The following ZNF714 variants were observed in gnomAD, a reference collection of about 807,000 sequenced individuals.
ZNF714 encodes the protein zinc finger protein 714.
Under a neutral mutation model 46.2 loss-of-function variants are expected in ZNF714, and 32 were observed. That is an observed-to-expected ratio of 0.69 (90% CI 0.52 to 0.93). The LOEUF is 0.93. ZNF714 is among the 40% of genes least tolerant of loss of function. ZNF714 has a pLI of 0.00. For missense variants in ZNF714, 635 were observed against 646.3 expected (o/e 0.98, Z 0.19); for synonymous variants, 199 against 213.1 (o/e 0.93, Z 0.58).
chr19:21,105,973 A>T (rs12974016), intron 4 of ZNF714, among the ~76,000 whole-genome samples: 1 of 151,798 alleles, frequency 6.6e-6, no homozygotes. Context: ...TAAATAGGCC[A>T]GGCGCGGTGG....
Position 21,123,538 on chromosome 19 carries a change from G to A in ZNF714, c.*5206G>A, listed in dbSNP as rs1969744067. Among the ~76,000 whole-genome samples the A allele has an allele frequency of 6.6e-6, 1 of 152,076 alleles. No individual in the cohort carries two copies. Among genetic ancestry groups the A allele is most frequent in the East Asian group, 1.9e-4 (1 of 5,154 alleles). ...CCCGTCTAATTTTTTTGTATTTTTA[G>A]TAGAGACGGGATTTCACCATGTTAG... On this transcript the variant is annotated 3_prime_UTR_variant, in exon 5 of 5. Transcript: ENST00000456283.
rs545899953 is a variant in ZNF714 at position 21,093,966 on chromosome 19, T to C, written c.-84-4219T>C. Among the ~76,000 whole-genome samples, 13 of 152,232 alleles carry C rather than the reference T, an allele frequency of 8.5e-5. 1 individual carries two copies. The South Asian group carries it at 2.5e-3, about 29-fold the overall frequency. ...ATTATTTTAATCTAGTCTACATTAA[T>C]AGGCAATTAGATTTGTTCCATGTTT... is the stretch of plus-strand genomic sequence containing the variant. On this transcript the variant is annotated intron_variant, in intron 2 of 4. Coordinates refer to ENST00000456283, the MANE Select transcript of ZNF714 (RefSeq NM_182515.4).
chr19:21,109,742 A>C (rs1480286426), intron 4 of ZNF714: 1 of 151,842 alleles, frequency 6.6e-6, no homozygotes, highest in Non-Finnish European at 1.5e-5. Flanking sequence ...ATTTATCCTG[A>C]TTCTCTCCCT....
chr19:21,112,803 T>C (rs1268942381), intron 4 of ZNF714, among the ~76,000 whole-genome samples: 1 of 142,542 alleles, frequency 7.0e-6, no homozygotes, highest in East Asian at 2.1e-4. Context: ...TTCAAATAGT[T>C]TTTTTATTTC....
At chr19:21,091,394 T>C (rs991065312) in intron 2 of ZNF714, 2 of 152,212 alleles carry the variant, frequency 1.3e-5, no homozygotes, top group African/African-American at 2.4e-5. Context: ...GCTGACCTTC[T>C]ATCTCACCTT....
At chr19:21,116,764 G>A (rs1309353151) in intron 4 of ZNF714, 43 bp from the exon 5 acceptor site, 36 of 1,535,208 alleles carry the variant, frequency 2.3e-5, no homozygotes, top group Non-Finnish European at 3.1e-5. Context: ...ATGTTTATCA[G>A]AGTCTAGTAA....
chr19:21,093,491 C>T (rs955805225), intron 2 of ZNF714, among the ~76,000 whole-genome samples: 12 of 151,832 alleles, frequency 7.9e-5, no homozygotes, highest in South Asian at 2.1e-4. Flanking sequence ...CTCAGCCTCC[C>T]AAAATGCTGG....
At chr19:21,088,639 T>C (rs1968839477) in intron 2 of ZNF714, among the ~76,000 whole-genome samples, 1 of 152,262 alleles carries the variant, frequency 6.6e-6, no homozygotes, top group Non-Finnish European at 1.5e-5. Context: ...ATTGCACTTT[T>C]TACTTTTCTG....
chr19:21,106,414 C>T (rs1423843329), intron 4 of ZNF714, among the ~76,000 whole-genome samples: 1 of 151,620 alleles, frequency 6.6e-6, no homozygotes, highest in African/African-American at 2.4e-5. Context: ...ACTAAAAATA[C>T]AAAAATTAGC....
At chr19:21,098,598 T>C (rs1969097210) in intron 3 of ZNF714, among the ~76,000 whole-genome samples, 1 of 152,294 alleles carries the variant, frequency 6.6e-6, no homozygotes, top group African/African-American at 2.4e-5. Flanking sequence ...AAATCTATTT[T>C]CCACTGTCAA....
intron 4 of ZNF714, among the ~76,000 whole-genome samples, chr19:21,113,602 G>A (rs1345760921): frequency 1.3e-5 from 2 of 151,388 alleles, no homozygotes; most frequent in East Asian, 3.9e-4. Context: ...CACCTCCCAG[G>A]TTCAAGCGAT....
At chr19:21,108,072 C>T (rs1262185918) in intron 4 of ZNF714, among the ~76,000 whole-genome samples, 2 of 152,124 alleles carry the variant, frequency 1.3e-5, no homozygotes, top group Non-Finnish European at 1.5e-5. Flanking sequence ...TACAGACATG[C>T]ACTACCATGC....
intron 2 of ZNF714, among the ~76,000 whole-genome samples, chr19:21,086,377 T>C (rs1968779504): frequency 6.6e-6 from 1 of 152,196 alleles, no homozygotes; most frequent in South Asian, 2.1e-4. Context: ...AATGGCTTAC[T>C]CCATAGGCAG....
chr19:21,082,405 G>C, intron 1 of ZNF714, 57 bp downstream of exon 1: 23 of 1,435,204 alleles, frequency 1.6e-5, no homozygotes, highest in Non-Finnish European at 2.2e-5. Context: ...TGTAAGCGGT[G>C]GGAAGTGGCT....
chr19:21,098,500 T>G (rs1969095701), intron 3 of ZNF714, among the ~76,000 whole-genome samples, 189 bp downstream of exon 3: 1 of 152,208 alleles, frequency 6.6e-6, no homozygotes, highest in South Asian at 2.1e-4. Context: ...ACCTGAACTT[T>G]CCACATTCCT....
Position 21,117,752 on chromosome 19 carries a change from A to G in ZNF714, c.1088A>G (p.His363Arg). Residue 363 changes from histidine (H) to arginine (R), a missense_variant, in exon 5 of 5, where the codon CAT (histidine) becomes CGT (arginine). Physicochemically the swap from His to Arg is conservative, Grantham distance 29. Coordinates refer to ENST00000456283, the MANE Select transcript of ZNF714 (RefSeq NM_182515.4). ...CACCTTACTACACATAAGATGATTCATACTGGAGAGAAACCCTACAAATGT... is the reference window on the plus strand; with the variant it reads ...CACCTTACTACACATAAGATGATTCGTACTGGAGAGAAACCCTACAAATGT... The part of the protein sequence containing the change: ...SSHLTTHKMI[H>R]TGEKPYKCEE... 6.2e-7 allele frequency: 1 copy of G among 1,613,946 alleles called. No homozygotes were observed. Among genetic ancestry groups the G allele is most frequent in the Non-Finnish European group, 8.5e-7 (1 of 1,180,018 alleles).
chr19:21,093,555 T>G (rs990240314), intron 2 of ZNF714, among the ~76,000 whole-genome samples: 5 of 152,090 alleles, frequency 3.3e-5, no homozygotes, highest in Admixed American at 3.3e-4. Context: ...TTTGTTTTTT[T>G]GTTTTTTTAT....
rs770526156 is a variant in ZNF714 at position 21,117,837 on chromosome 19, T to C, written c.1173T>C (p.His391=). The change falls in exon 5 of 5, where the codon CAT becomes CAC. Residue 391 remains histidine, a synonymous_variant. Coordinates refer to ENST00000456283, the MANE Select transcript of ZNF714 (RefSeq NM_182515.4). The part of the protein sequence containing the change: ...SSKLTIHKII[H]TGEKPYKCEE... ...AACTTACTATACATAAGATAATTCATACTGGAGAGAAACCTTACAAATGTG... is the reference window on the plus strand; with the variant it reads ...AACTTACTATACATAAGATAATTCACACTGGAGAGAAACCTTACAAATGTG... 4.4e-5 allele frequency: 71 copies of C among 1,612,250 alleles called. No homozygotes were observed. The Middle Eastern group carries it at 5.0e-4, about 11-fold the overall frequency.
At chr19:21,108,468 C>G (rs994674922) in intron 4 of ZNF714, among the ~76,000 whole-genome samples, 16 of 152,180 alleles carry the variant, frequency 1.1e-4, no homozygotes, top group African/African-American at 3.9e-4. Flanking sequence ...ACAAATTCTT[C>G]ATGAATGCCT....
Sources: allele counts gnomAD v4.1 joint callset (sites outside exome capture counted in the v4.1 genomes callset), GRCh38; gene constraint gnomAD v4.1.1; transcripts MANE v1.5; gene names NCBI Gene and HGNC (gene_info 2026-07-23, HGNC 2026-07-21).